CTNNA2: variants seen among roughly 807,000 people sequenced by gnomAD.
CTNNA2 encodes catenin alpha 2, also known as catenin alpha-2.
A neutral mutation model predicts 101.0 loss-of-function variants in CTNNA2; 42 were observed. That is an observed-to-expected ratio of 0.42 (90% CI 0.32 to 0.54). The LOEUF (loss-of-function observed/expected upper bound fraction) is 0.54, where lower values mean the gene tolerates loss of function less well. CTNNA2 is among the 20% of genes least tolerant of loss of function. CTNNA2 has a pLI of 0.14. For missense variants in CTNNA2, 871 were observed against 1,223.1 expected (o/e 0.71, Z 4.29); for synonymous variants, 450 against 456.4 (o/e 0.99, Z 0.18).
At chr2:80,008,955 C>A (rs77616170) in intron 7 of CTNNA2, among the ~76,000 whole-genome samples, 2,618 of 152,222 alleles carry the variant, frequency 0.017, 73 homozygotes, top group African/African-American at 0.059. Flanking sequence ...ATATTTTAGA[C>A]TTTCCGAGAC....
intron 7 of CTNNA2, among the ~76,000 whole-genome samples, chr2:80,195,612 C>CT (rs538517274): frequency 0.055 from 6,974 of 127,426 alleles, 430 homozygotes; most frequent in African/African-American, 0.15. Flanking sequence ...ACCAAAACAT[C>CT]TTTTTTTTTT....
chr2:79,464,899 G>T (rs900408777), intron 4 of CTNNA2, among the ~76,000 whole-genome samples: 3 of 152,050 alleles, frequency 2.0e-5, no homozygotes, highest in Non-Finnish European at 2.9e-5. Context: ...TGTCAGATGA[G>T]TAGATTGCAA....
intron 7 of CTNNA2, among the ~76,000 whole-genome samples, chr2:80,366,945 G>A (rs1303499247): frequency 1.3e-5 from 2 of 151,860 alleles, no homozygotes; most frequent in Admixed American, 6.6e-5. Context: ...CCAGAAAAGC[G>A]GGACAACTGG....
At chr2:79,554,419 A>G (rs1177662361) in intron 1 of CTNNA2, among the ~76,000 whole-genome samples, 1 of 152,166 alleles carries the variant, frequency 6.6e-6, no homozygotes, top group East Asian at 1.9e-4. Flanking sequence ...TTATGAGAGG[A>G]CATATGCTAT....
At chr2:80,098,628 C>T (rs1323620520) in intron 7 of CTNNA2, among the ~76,000 whole-genome samples, 2 of 152,226 alleles carry the variant, frequency 1.3e-5, no homozygotes, top group African/African-American at 4.8e-5. Context: ...GGCAGGCAGG[C>T]CTCCCCGAGC....
At chr2:80,026,527 G>A (rs1224557526) in intron 7 of CTNNA2, among the ~76,000 whole-genome samples, 1 of 152,164 alleles carries the variant, frequency 6.6e-6, no homozygotes, top group East Asian at 1.9e-4. Flanking sequence ...GAGGCCTGCA[G>A]CAAAAGAGTT....
chr2:79,749,281 C>G (rs368465898), intron 3 of CTNNA2, among the ~76,000 whole-genome samples: 1 of 152,064 alleles, frequency 6.6e-6, no homozygotes, highest in Non-Finnish European at 1.5e-5. Flanking sequence ...GGGTCATTCT[C>G]GGAGTATGCG....
At chr2:80,438,715 G>A (rs529568841) in intron 9 of CTNNA2, among the ~76,000 whole-genome samples, 5 of 147,808 alleles carry the variant, frequency 3.4e-5, no homozygotes, top group East Asian at 5.7e-4. Context: ...GCAGTGAGTC[G>A]AGATCCAACT....
At chr2:79,288,258 A>T (rs1675679228) in intron 2 of CTNNA2, among the ~76,000 whole-genome samples, 1 of 152,224 alleles carries the variant, frequency 6.6e-6, no homozygotes, top group African/African-American at 2.4e-5. Flanking sequence ...CTATTCGGCC[A>T]TCTTGGCTCC....
At chr2:80,568,748 A>G (rs140909780) in intron 12 of CTNNA2, among the ~76,000 whole-genome samples, 1 of 152,176 alleles carries the variant, frequency 6.6e-6, no homozygotes, top group Non-Finnish European at 1.5e-5. Flanking sequence ...GAGTATGTAC[A>G]TTTCAGTATG....
chr2:80,491,601 A>C (rs1687068116), intron 9 of CTNNA2, among the ~76,000 whole-genome samples: 1 of 152,206 alleles, frequency 6.6e-6, no homozygotes, highest in South Asian at 2.1e-4. Flanking sequence ...AAAGGAGAGA[A>C]ATAAGAGGCA....
chr2:79,306,499 G>T (rs529133960), intron 2 of CTNNA2, among the ~76,000 whole-genome samples: 2 of 152,014 alleles, frequency 1.3e-5, no homozygotes, highest in Non-Finnish European at 2.9e-5. Context: ...ATTAAAAAAG[G>T]CAATTTAGAA....
chr2:80,626,153 CTATTG>C (rs1671661562), intron 18 of CTNNA2, among the ~76,000 whole-genome samples: 2 of 151,986 alleles, frequency 1.3e-5, no homozygotes, highest in South Asian at 4.2e-4. Flanking sequence ...TTAATGCCCA[CTATTG>C]TATTAAAAAT....
chr2:79,332,432 C>A (rs1259948996), intron 3 of CTNNA2, among the ~76,000 whole-genome samples: 1 of 152,160 alleles, frequency 6.6e-6, no homozygotes, highest in East Asian at 1.9e-4. Flanking sequence ...AAAAGCCATG[C>A]TGAATATAAG....
intron 3 of CTNNA2, among the ~76,000 whole-genome samples, chr2:79,818,557 C>T (rs1218361619): frequency 2.0e-5 from 3 of 151,642 alleles, no homozygotes; most frequent in African/African-American, 7.3e-5. Context: ...CCTTGTGATC[C>T]ACTCACCTCG....
chr2:80,185,682 T>G (rs887855580), intron 7 of CTNNA2, among the ~76,000 whole-genome samples: 2 of 152,194 alleles, frequency 1.3e-5, no homozygotes, highest in Non-Finnish European at 2.9e-5. Flanking sequence ...GAGTCCTTTT[T>G]GTTAAAGAGC....
intron 7 of CTNNA2, chr2:80,299,649 A>G (rs979933533): frequency 2.0e-5 from 3 of 152,246 alleles, no homozygotes; most frequent in African/African-American, 7.2e-5. Context: ...GAGGAGTAGC[A>G]TAAAACAAAG....
At chr2:79,702,897 T>G (rs2104765578) in intron 2 of CTNNA2, among the ~76,000 whole-genome samples, 1 of 152,328 alleles carries the variant, frequency 6.6e-6, no homozygotes, top group Non-Finnish European at 1.5e-5. Context: ...TGATGTTAAC[T>G]TCTGGGTCCT....
At chr2:79,215,636 G>A (rs1347901942) in intron 2 of CTNNA2, among the ~76,000 whole-genome samples, 1 of 152,092 alleles carries the variant, frequency 6.6e-6, no homozygotes, top group Non-Finnish European at 1.5e-5. Flanking sequence ...GTCATGTACT[G>A]GGCTGGGTTT....
Sources: gnomAD v4.1 joint callset for allele counts (sites outside exome capture counted in the v4.1 genomes callset) on GRCh38, gnomAD v4.1.1 for gene constraint, MANE v1.5 for transcripts, NCBI Gene and HGNC (gene_info 2026-07-23, HGNC 2026-07-21) for gene names.